The following SNX29 variants were observed in gnomAD, a reference collection of about 807,000 sequenced individuals.
SNX29 encodes sorting nexin-29.
A neutral mutation model predicts 102.1 loss-of-function variants in SNX29; 78 were observed. That is an observed-to-expected ratio of 0.76 (90% CI 0.64 to 0.92). The LOEUF is 0.92. SNX29 is among the 40% of genes least tolerant of loss of function. SNX29 has a pLI of 0.00. For missense variants in SNX29, 1,280 were observed against 1,061.7 expected (o/e 1.21, Z -2.86); for synonymous variants, 580 against 414.5 (o/e 1.40, Z -4.85).
At chr16:12,234,763 C>T (rs1289931346) in intron 14 of SNX29, among the ~76,000 whole-genome samples, 2 of 152,150 alleles carry the variant, frequency 1.3e-5, no homozygotes, top group African/African-American at 4.8e-5. Flanking sequence ...GGACTTAGCA[C>T]TGCATTGTGT....
At chr16:12,266,830 C>T (rs926051371) in intron 14 of SNX29, among the ~76,000 whole-genome samples, 1 of 152,240 alleles carries the variant, frequency 6.6e-6, no homozygotes, top group Non-Finnish European at 1.5e-5. Context: ...GTGGCACAAT[C>T]TCAGCTCACT....
At chr16:12,383,313 A>G (rs944092932) in intron 16 of SNX29, among the ~76,000 whole-genome samples, 3 of 152,208 alleles carry the variant, frequency 2.0e-5, no homozygotes, top group African/African-American at 7.2e-5. Flanking sequence ...GTATTCTGAG[A>G]TAAGACATAG....
rs943419013 is a variant in SNX29 at position 12,574,052 on chromosome 16, C to G, written c.*5423C>G. 3 of 193,382 alleles carry G rather than the reference C, an allele frequency of 1.6e-5. No homozygotes were observed. The highest frequency in any genetic ancestry group is 7.0e-5 in the African/African-American group (3 of 43,108). The allele number at this position is 193,382 out of a possible 1,614,324, so 12.0% of individuals were successfully genotyped here. On this transcript the variant is annotated 3_prime_UTR_variant, in exon 21 of 21. Transcript: ENST00000566228. ...TCTAGAGTCTGATAGTCTGTGTGTACATAAGGTCTAGAAGTCTGTGGAAAC... is the reference window on the plus strand; with the variant it reads ...TCTAGAGTCTGATAGTCTGTGTGTAGATAAGGTCTAGAAGTCTGTGGAAAC...
chr16:12,360,054 T>C (rs1477148226), intron 16 of SNX29, among the ~76,000 whole-genome samples: 2 of 152,122 alleles, frequency 1.3e-5, no homozygotes, highest in Non-Finnish European at 2.9e-5. Flanking sequence ...GAACTCCTGA[T>C]CTCGAGTGAT....
Position 12,573,612 on chromosome 16 carries a change from G to A in SNX29, c.*4983G>A, listed in dbSNP as rs530025054. 2.3e-4 allele frequency: 51 copies of A among 221,680 alleles called. No homozygotes were observed. The highest frequency in any genetic ancestry group is 1.1e-3 in the African/African-American group (49 of 44,834). 13.7% of individuals were successfully genotyped at this position (221,680 alleles called of 1,614,324 possible). A position where few individuals can be genotyped will look rare whatever the true frequency, so the allele number is the denominator to read the frequency against. ...CTTCCCCTCAAATTTTCTCAGCTCT[G>A]CCGCTGGTCTCCATGAACGGCAAGG... On this transcript the variant is annotated 3_prime_UTR_variant, in exon 21 of 21. Coordinates refer to ENST00000566228, the MANE Select transcript of SNX29 (RefSeq NM_032167.5).
At chr16:12,227,903 A>AAG (rs2077659817) in intron 14 of SNX29, among the ~76,000 whole-genome samples, 1 of 134,270 alleles carries the variant, frequency 7.4e-6, no homozygotes, top group Non-Finnish European at 1.6e-5. Context: ...CTGTCTTAAA[A>AAG]AAAAAAAAAA....
intron 15 of SNX29, among the ~76,000 whole-genome samples, chr16:12,308,296 C>T (rs1481739621): frequency 2.0e-5 from 3 of 152,202 alleles, no homozygotes; most frequent in Non-Finnish European, 2.9e-5. Context: ...GGTCCCACAG[C>T]CTCTACTGTG....
chr16:12,548,633 C>T (rs978122763), intron 20 of SNX29, among the ~76,000 whole-genome samples: 1 of 152,218 alleles, frequency 6.6e-6, no homozygotes, highest in Non-Finnish European at 1.5e-5. Flanking sequence ...AGAAGAGGCT[C>T]TTCAGGGGCC....
chr16:12,284,596 G>A (rs547313476), intron 15 of SNX29, among the ~76,000 whole-genome samples: 1 of 152,212 alleles, frequency 6.6e-6, no homozygotes, highest in African/African-American at 2.4e-5. Context: ...AGCAATGCTT[G>A]GGAGGCCGTT....
Position 12,571,840 on chromosome 16 carries a change from G to A in SNX29, c.*3211G>A, listed in dbSNP as rs761594881. The A allele has an allele frequency of 7.2e-5, 76 of 1,051,830 alleles. No individual in the cohort carries two copies. The highest frequency in any genetic ancestry group is 8.6e-5 in the Non-Finnish European group (75 of 868,130). The allele number at this position is 1,051,830 out of a possible 1,614,324, so 65.2% of individuals were successfully genotyped here. A position where few individuals can be genotyped will look rare whatever the true frequency, so the allele number is the denominator to read the frequency against. ...TTCTTTGATTCCCACTTAGCAGTAT[G>A]CTCCAATCACGTTGCTGGCAAGGCA... On this transcript the variant is annotated 3_prime_UTR_variant, in exon 21 of 21. Transcript: ENST00000566228.
chr16:12,080,590 G>A (rs906752033), intron 11 of SNX29, among the ~76,000 whole-genome samples: 5 of 152,064 alleles, frequency 3.3e-5, no homozygotes, highest in African/African-American at 1.2e-4. Context: ...ATGCTGTCCA[G>A]GCTGGTCTTG....
chr16:12,133,328 T>TCAC lies in SNX29; in HGVS notation c.1595+3572_1595+3574dup, dbSNP rs2054543382. Among the ~76,000 whole-genome samples, 3 of 131,408 alleles carry TCAC rather than the reference T, an allele frequency of 2.3e-5. No individual in the cohort carries two copies. The Admixed American group carries it at 2.7e-4, about 12-fold the overall frequency. The allele number at this position is 131,408 out of a possible 152,430, so 86.2% of individuals were successfully genotyped here. Reference sequence around the variant, plus strand: ...TTTTTTAAGATAGTATCTCACTCTGTCACCCAGGCTGGAGTGCAGTGATGC... The same window carrying TCAC: ...TTTTTTAAGATAGTATCTCACTCTGTCACCACCCAGGCTGGAGTGCAGTGATGC... On this transcript the variant is annotated intron_variant, in intron 13 of 20. Coordinates refer to ENST00000566228, the MANE Select transcript of SNX29 (RefSeq NM_032167.5).
intron 11 of SNX29, among the ~76,000 whole-genome samples, chr16:12,082,144 G>C (rs146074753): frequency 6.6e-6 from 1 of 151,980 alleles, no homozygotes; most frequent in Non-Finnish European, 1.5e-5. Context: ...AGATGGACAA[G>C]ACTTGACTCT....
At chr16:12,306,012 C>T (rs775734720) in intron 15 of SNX29, among the ~76,000 whole-genome samples, 1 of 152,030 alleles carries the variant, frequency 6.6e-6, no homozygotes, top group Non-Finnish European at 1.5e-5. Flanking sequence ...ACGGTTCTCT[C>T]TGTGGCCTTA....
intron 14 of SNX29, among the ~76,000 whole-genome samples, chr16:12,219,264 T>G (rs913156169): frequency 6.6e-6 from 1 of 152,184 alleles, no homozygotes; most frequent in African/African-American, 2.4e-5. Flanking sequence ...TCATCTTTTT[T>G]TTTTTTTTGA....
intron 15 of SNX29, among the ~76,000 whole-genome samples, chr16:12,336,633 T>C (rs776770863): frequency 6.6e-6 from 1 of 152,210 alleles, no homozygotes; most frequent in Non-Finnish European, 1.5e-5. Flanking sequence ...ATTTTAGAGA[T>C]GGAACATCAA....
intron 20 of SNX29, among the ~76,000 whole-genome samples, chr16:12,559,178 G>A (rs1037345928): frequency 1.3e-5 from 2 of 152,066 alleles, no homozygotes; most frequent in Admixed American, 6.6e-5. Flanking sequence ...AGCCTGTTAG[G>A]TACTGGGCTA....
In SNX29 at chr16:12,152,643, T is replaced by G. The variant is rs536814351; in HGVS notation, c.1595+22885T>G. On this transcript the variant is annotated intron_variant, in intron 13 of 20. Transcript: ENST00000566228. ...TTTCCATTTTCCTGCAGAAAAAGAC[T>G]GACCTGTACTAGTAGCAACTTTGCT... 2.6e-5 allele frequency among the ~76,000 whole-genome samples: 4 copies of G among 152,340 alleles called. No homozygotes were observed. In the South Asian group the frequency reaches 8.3e-4, roughly 32 times the overall value.
At chr16:12,396,543 C>G (rs2083729201) in intron 16 of SNX29, among the ~76,000 whole-genome samples, 1 of 152,108 alleles carries the variant, frequency 6.6e-6, no homozygotes, top group African/African-American at 2.4e-5. Context: ...AGTGGGAAAC[C>G]CAGAAAAGAG....
Sources: allele counts gnomAD v4.1 joint callset (sites outside exome capture counted in the v4.1 genomes callset), GRCh38; gene constraint gnomAD v4.1.1; transcripts MANE v1.5; gene names NCBI Gene and HGNC (gene_info 2026-07-23, HGNC 2026-07-21).